PDE4D: variants seen among roughly 807,000 people sequenced by gnomAD.
PDE4D encodes 3',5'-cyclic-AMP phosphodiesterase 4D.
A neutral mutation model predicts 87.4 loss-of-function variants in PDE4D; 24 were observed. The observed-to-expected ratio is 0.27, with a 90% CI of 0.20 to 0.39. The LOEUF (loss-of-function observed/expected upper bound fraction) is 0.39. PDE4D is among the 10% of genes least tolerant of loss of function. The probability of loss-of-function intolerance (pLI) is 1.00; values close to 1 mark genes in which losing one functional copy is unlikely to be tolerated. For missense variants in PDE4D, 714 were observed against 1,041.0 expected, an observed-to-expected ratio of 0.69 and a Z score of 4.32; for synonymous variants, 384 against 383.2, an observed-to-expected ratio of 1.00 and a Z score of -0.02.
At chr5:59,117,215 G>A (rs1023107689) in intron 5 of PDE4D, among the ~76,000 whole-genome samples, 8 of 152,162 alleles carry the variant, frequency 5.3e-5, no homozygotes, top group Admixed American at 1.3e-4. Flanking sequence ...CATGAGGCAG[G>A]TCTCTTATTC....
intron 5 of PDE4D, among the ~76,000 whole-genome samples, chr5:59,151,146 G>A (rs1473696403): frequency 6.6e-6 from 1 of 152,152 alleles, no homozygotes; most frequent in Non-Finnish European, 1.5e-5. Flanking sequence ...AGCTGATCCA[G>A]TGAGGATATT....
chr5:59,614,720 G>C (rs899618743), intron 1 of PDE4D, among the ~76,000 whole-genome samples: 1 of 152,092 alleles, frequency 6.6e-6, no homozygotes, highest in African/African-American at 2.4e-5. Context: ...TGGATGAAAA[G>C]TTTTAAAGCA....
chr5:60,211,447 A>C (rs1743204497), intron 1 of PDE4D, among the ~76,000 whole-genome samples: 1 of 148,848 alleles, frequency 6.7e-6, no homozygotes, highest in South Asian at 2.1e-4. Flanking sequence ...TTGCTTTAAG[A>C]ATCTTGGGGG....
chr5:59,601,280 T>C (rs1233657979), intron 1 of PDE4D, among the ~76,000 whole-genome samples: 1 of 152,164 alleles, frequency 6.6e-6, no homozygotes, highest in South Asian at 2.1e-4. Context: ...AAGTCATTTC[T>C]AGTAATCTTG....
At chr5:59,955,095 T>A (rs1758687904) in intron 3 of PDE4D, among the ~76,000 whole-genome samples, 1 of 152,160 alleles carries the variant, frequency 6.6e-6, no homozygotes, top group South Asian at 2.1e-4. Context: ...TCTAAAGTAA[T>A]CAATGCAAGT....
intron 1 of PDE4D, among the ~76,000 whole-genome samples, chr5:59,875,523 G>A (rs1027743888): frequency 6.9e-5 from 9 of 131,016 alleles, no homozygotes; most frequent in African/African-American, 2.6e-4. Flanking sequence ...AAAAAGGACA[G>A]AGTGAGAATT....
chr5:60,291,066 G>T (rs1048933609), intron 1 of PDE4D, among the ~76,000 whole-genome samples: 1 of 152,118 alleles, frequency 6.6e-6, no homozygotes, highest in Non-Finnish European at 1.5e-5. Context: ...TCTTTTTTCT[G>T]GGTTTCCTGT....
At chr5:59,639,763 T>C (rs1741224921) in intron 1 of PDE4D, among the ~76,000 whole-genome samples, 1 of 152,018 alleles carries the variant, frequency 6.6e-6, no homozygotes. Flanking sequence ...AATTTGGTTT[T>C]ACAGGAGTTC....
intron 1 of PDE4D, among the ~76,000 whole-genome samples, chr5:60,388,690 A>G (rs978561204): frequency 6.6e-6 from 1 of 152,186 alleles, no homozygotes; most frequent in Admixed American, 6.5e-5. Flanking sequence ...TTGACCGACA[A>G]TCAGATTAGA....
At chr5:60,031,062 C>A (rs1375311223) in intron 2 of PDE4D, 1 of 152,100 alleles carries the variant, frequency 6.6e-6, no homozygotes, top group Admixed American at 6.6e-5. Flanking sequence ...AATGTAGGAC[C>A]TAAAAGAATA....
At position 59,161,300 on chromosome 5, in the gene PDE4D, A is replaced by G. The variant is rs1289660965; in HGVS notation, c.808+19295T>C. The stretch of plus-strand genomic sequence containing the variant: ...TGTACATTTTAGGAAGAAATAATAC[A>G]TCAATCAATACATGTAAGATTTACA... On this transcript the variant is annotated intron_variant, in intron 5 of 14. Coordinates refer to ENST00000340635, the MANE Select transcript of PDE4D (RefSeq NM_001104631.2). 2.6e-5 allele frequency among the ~76,000 whole-genome samples: 4 copies of G among 152,314 alleles called. No individual in the cohort carries two copies. The East Asian group carries it at 7.7e-4, about 29-fold the overall frequency.
chr5:59,890,577 G>A (rs575209459), intron 1 of PDE4D, among the ~76,000 whole-genome samples: 1 of 152,274 alleles, frequency 6.6e-6, no homozygotes, highest in South Asian at 2.1e-4. Context: ...TTTATGTCCT[G>A]TAGTATCAGT....
At chr5:59,926,903 C>G (rs1755352055) in intron 3 of PDE4D, among the ~76,000 whole-genome samples, 1 of 152,074 alleles carries the variant, frequency 6.6e-6, no homozygotes, top group Admixed American at 6.5e-5. Context: ...AAAGAAAAGC[C>G]CAGGATCTGA....
At chr5:59,768,784 C>G in intron 1 of PDE4D, 1 of 633,832 alleles carries the variant, frequency 1.6e-6, no homozygotes, top group Non-Finnish European at 2.5e-6. Flanking sequence ...GGGAAAGCAC[C>G]GCGCTCGCAC....
At chr5:58,987,994 G>GA (rs1460005387) in intron 11 of PDE4D, among the ~76,000 whole-genome samples, 1 of 152,024 alleles carries the variant, frequency 6.6e-6, no homozygotes, top group Non-Finnish European at 1.5e-5. Flanking sequence ...TTAACAGTGA[G>GA]AAAAAACCAA....
intron 1 of PDE4D, among the ~76,000 whole-genome samples, chr5:59,407,191 A>C (rs992279432): frequency 6.6e-6 from 1 of 152,136 alleles, no homozygotes. Flanking sequence ...GCAAGTTCTC[A>C]TAAAATCTCT....
intron 13 of PDE4D, 126 bp downstream of exon 13, chr5:58,976,224 T>G: frequency 9.7e-7 from 1 of 1,032,924 alleles, no homozygotes; most frequent in Non-Finnish European, 1.3e-6. Context: ...ATAAAAATCC[T>G]GCCTACAATT....
At chr5:59,804,826 C>G (rs1234970475) in intron 1 of PDE4D, among the ~76,000 whole-genome samples, 1 of 152,144 alleles carries the variant, frequency 6.6e-6, no homozygotes, top group East Asian at 1.9e-4. Context: ...AAATCTCGCT[C>G]TGTCACCCAG....
chr5:60,084,142 G>A (rs1423128010), intron 2 of PDE4D, among the ~76,000 whole-genome samples: 1 of 152,118 alleles, frequency 6.6e-6, no homozygotes, highest in Admixed American at 6.5e-5. Flanking sequence ...AATATGCTAA[G>A]CAAAATAGAC....
Sources: gnomAD v4.1 joint callset for allele counts (sites outside exome capture counted in the v4.1 genomes callset) on GRCh38, gnomAD v4.1.1 for gene constraint, MANE v1.5 for transcripts, NCBI Gene and HGNC (gene_info 2026-07-23, HGNC 2026-07-21) for gene names.